CCDC169: variants seen among roughly 807,000 people sequenced by gnomAD.
CCDC169 encodes coiled-coil domain containing 169, also known as coiled-coil domain-containing protein 169.
CCDC169 carries 30 observed loss-of-function variants against 36.0 expected under a neutral mutation model. The ratio of observed to expected loss-of-function variants is 0.83; its 90% CI spans 0.62 to 1.13. The LOEUF (loss-of-function observed/expected upper bound fraction) is 1.13, where lower values mean the gene tolerates loss of function less well. Among genes scored for constraint, CCDC169 ranks in the 50% most tolerant of loss-of-function variants. The probability of loss-of-function intolerance (pLI) is 0.00; values close to 1 mark genes in which losing one functional copy is unlikely to be tolerated. For missense variants in CCDC169, 245 were observed against 245.9 expected, an observed-to-expected ratio of 1.00 and a Z score of 0.03; for synonymous variants, 85 against 81.5, an observed-to-expected ratio of 1.04 and a Z score of -0.23.
chr13:36,297,297 C>A (rs1275427827), intron 1 of CCDC169, among the ~76,000 whole-genome samples: 1 of 151,982 alleles, frequency 6.6e-6, no homozygotes, highest in African/African-American at 2.4e-5. Context: ...TAAATAAAAT[C>A]TTTGGAATTT....
At chr13:36,242,210 G>C (rs888037031) in intron 7 of CCDC169, among the ~76,000 whole-genome samples, 1 of 152,168 alleles carries the variant, frequency 6.6e-6, no homozygotes, top group African/African-American at 2.4e-5. Flanking sequence ...TTATATAAAT[G>C]TATACTCCTA....
chr13:36,274,325 A>G (rs1420254401), intron 4 of CCDC169: 1 of 152,192 alleles, frequency 6.6e-6, no homozygotes, highest in African/African-American at 2.4e-5. Context: ...AAAGTATAAA[A>G]TTGTACTACA....
chr13:36,252,742 T>G (rs1873326359), intron 6 of CCDC169, among the ~76,000 whole-genome samples: 2 of 152,142 alleles, frequency 1.3e-5, no homozygotes, highest in African/African-American at 4.8e-5. Flanking sequence ...AATTTGAAAT[T>G]AATAATTTTC....
intron 2 of CCDC169, among the ~76,000 whole-genome samples, chr13:36,288,112 C>T (rs1878461843): frequency 6.6e-6 from 1 of 151,990 alleles, no homozygotes; most frequent in Admixed American, 6.6e-5. Context: ...TGATTCACGC[C>T]ATTCTTCTGC....
At chr13:36,236,722 TCTCATA>T (rs1476691527) in intron 7 of CCDC169, among the ~76,000 whole-genome samples, 1 of 151,966 alleles carries the variant, frequency 6.6e-6, no homozygotes, top group East Asian at 1.9e-4. Flanking sequence ...TCTGATAAGG[TCTCATA>T]CTCAGAATAT....
intron 4 of CCDC169, among the ~76,000 whole-genome samples, chr13:36,258,866 A>G (rs183020546): frequency 6.6e-6 from 1 of 152,146 alleles, no homozygotes. Flanking sequence ...AGATCCAAGA[A>G]CCCTCTCTTG....
At chr13:36,285,622 C>G (rs4502096) in intron 2 of CCDC169, among the ~76,000 whole-genome samples, 2,746 of 19,138 alleles carry the variant, frequency 0.14, 30 homozygotes, top group Middle Eastern at 0.25. Context: ...TAGATAGATA[C>G]ATAGATACAT....
chr13:36,231,392 C>T lies in CCDC169; in HGVS notation c.546-100G>A, dbSNP rs183197251. 2,526 of 1,150,576 alleles carry T rather than the reference C, an allele frequency of 2.2e-3. 11 individuals carry two copies. The highest frequency in any genetic ancestry group is 7.4e-3 in the Middle Eastern group (37 of 5,002). 71.3% of individuals were successfully genotyped at this position (1,150,576 alleles called of 1,614,324 possible). On this transcript the variant is annotated intron_variant, in intron 7 of 7. Transcript: ENST00000239859. ...AAGAAATGTATATTGCACCTTGTTCCCCCCAACAGACCTTCACACGGAAAC... is the reference window on the plus strand; with the variant it reads ...AAGAAATGTATATTGCACCTTGTTCTCCCCAACAGACCTTCACACGGAAAC...
chr13:36,257,098 T>C (rs975554), intron 4 of CCDC169, among the ~76,000 whole-genome samples: 61,604 of 152,014 alleles, frequency 0.41, 13,261 homozygotes, highest in Non-Finnish European at 0.48. Flanking sequence ...GTAGACCACC[T>C]ATTGAGCTGG....
chr13:36,254,028 ATAGAG>A lies in CCDC169; in HGVS notation c.414+12_414+16del. 1.3e-6 allele frequency: 2 copies of A among 1,541,826 alleles called. No individual in the cohort carries two copies. The highest frequency in any genetic ancestry group is 2.4e-5 in the South Asian group (2 of 82,078). Reference sequence around the variant, plus strand: ...GGCAGTTTCAAAGGAATTGCTAAGTATAGAGTAAAAACAAACCTTTGATTCTTGTT... The same window carrying A: ...GGCAGTTTCAAAGGAATTGCTAAGTATAAAAACAAACCTTTGATTCTTGTT... On this transcript the variant is annotated intron_variant, in intron 5 of 7. Transcript: ENST00000239859.
chr13:36,248,807 C>T, intron 6 of CCDC169, 125 bp from the exon 7 acceptor site: 1 of 820,766 alleles, frequency 1.2e-6, no homozygotes, highest in Non-Finnish European at 1.9e-6. Context: ...GTAAGAGAAG[C>T]TGAGAAAAAT....
intron 6 of CCDC169, among the ~76,000 whole-genome samples, chr13:36,252,824 T>C (rs903977456): frequency 2.0e-5 from 3 of 152,184 alleles, no homozygotes; most frequent in Admixed American, 6.5e-5. Context: ...ATAACACACA[T>C]TGAAAACTGA....
At chr13:36,230,175 T>C (rs1422400840), downstream of CCDC169, among the ~76,000 whole-genome samples, 2 of 152,200 alleles carry the variant, frequency 1.3e-5, no homozygotes, top group Non-Finnish European at 2.9e-5. Flanking sequence ...TAATAGAATT[T>C]AGGTTTAGTG....
intron 7 of CCDC169, among the ~76,000 whole-genome samples, chr13:36,247,903 G>A (rs1360041503): frequency 6.6e-6 from 1 of 152,102 alleles, no homozygotes; most frequent in Non-Finnish European, 1.5e-5. Context: ...ACATATGACA[G>A]AGACATCTTT....
At chr13:36,279,383 C>T (rs151249643) in intron 4 of CCDC169, among the ~76,000 whole-genome samples, 5 of 152,292 alleles carry the variant, frequency 3.3e-5, no homozygotes, top group Non-Finnish European at 7.4e-5. Context: ...TCCAGACATA[C>T]TGAACTAACT....
intron 2 of CCDC169, among the ~76,000 whole-genome samples, chr13:36,292,074 T>G (rs550008751): frequency 6.6e-6 from 1 of 151,108 alleles, no homozygotes; most frequent in Non-Finnish European, 1.5e-5. Context: ...CTGCAACCTC[T>G]ACCTCCCGGT....
intron 2 of CCDC169, among the ~76,000 whole-genome samples, chr13:36,293,850 G>A (rs1194408459): frequency 6.6e-6 from 1 of 152,072 alleles, no homozygotes; most frequent in Non-Finnish European, 1.5e-5. Context: ...ATAAGAGTTT[G>A]TTGTTTTAAG....
intron 4 of CCDC169, among the ~76,000 whole-genome samples, chr13:36,254,666 T>G (rs1254653136): frequency 6.6e-6 from 1 of 152,238 alleles, no homozygotes; most frequent in Non-Finnish European, 1.5e-5. Context: ...TTTTCTTTTT[T>G]TCATATTAAA....
At chr13:36,222,830 G>GGCAAA (rs59359982), downstream of CCDC169, 1 of 151,698 alleles carries the variant, frequency 6.6e-6, no homozygotes, top group Non-Finnish European at 1.5e-5. Flanking sequence ...AAGATACTGT[G>GGCAAA]TAAGTATGCT....
Sources: allele counts gnomAD v4.1 joint callset (sites outside exome capture counted in the v4.1 genomes callset), GRCh38; gene constraint gnomAD v4.1.1; transcripts MANE v1.5; gene names NCBI Gene and HGNC (gene_info 2026-07-23, HGNC 2026-07-21).